The following SMAD2 variants were observed in gnomAD, a reference collection of about 807,000 sequenced individuals.
SMAD2 encodes the protein SMAD family member 2.
SMAD2 carries 8 observed loss-of-function variants against 64.4 expected under a neutral mutation model. The observed-to-expected ratio is 0.12, with a 90% confidence interval of 0.07 to 0.22. The LOEUF (loss-of-function observed/expected upper bound fraction) is 0.22, where lower values mean the gene tolerates loss of function less well. Among genes scored for constraint, SMAD2 ranks in the 10% least tolerant of loss-of-function variants. SMAD2 has a pLI of 1.00. For synonymous variants in SMAD2, 203 were observed against 195.8 expected (o/e 1.04, Z -0.31); for missense variants, 289 against 561.2 (o/e 0.51, Z 4.90).
intron 2 of SMAD2, among the ~76,000 whole-genome samples, chr18:47,893,546 T>C (rs994515326): frequency 6.6e-6 from 1 of 152,230 alleles, no homozygotes; most frequent in African/African-American, 2.4e-5. Context: ...TACAAATCCA[T>C]TGTGTATCAC....
intron 2 of SMAD2, among the ~76,000 whole-genome samples, chr18:47,881,873 T>TTTTG (rs540862304): frequency 6.6e-5 from 10 of 152,060 alleles, no homozygotes; most frequent in South Asian, 2.1e-4. Context: ...TACATAGTTT[T>TTTTG]TTTGTTTGTT....
chr18:47,871,395 T>C (rs1247269699), intron 2 of SMAD2, among the ~76,000 whole-genome samples: 2 of 152,212 alleles, frequency 1.3e-5, no homozygotes, highest in South Asian at 2.1e-4. Flanking sequence ...TGAAAATGAA[T>C]CAAGCAATTG....
At chr18:47,857,102 C>T (rs999346457) in intron 6 of SMAD2, among the ~76,000 whole-genome samples, 1 of 152,074 alleles carries the variant, frequency 6.6e-6, no homozygotes, top group African/African-American at 2.4e-5. Context: ...CGTGATCCGC[C>T]CGCCTCGGCC....
chr18:47,876,573 A>C (rs2032275605), intron 2 of SMAD2, among the ~76,000 whole-genome samples: 1 of 152,068 alleles, frequency 6.6e-6, no homozygotes, highest in Admixed American at 6.6e-5. Context: ...TTAAAGTCAT[A>C]AACATACTAA....
rs5824708 is a variant in SMAD2, at chr18:47,830,576, C to CAAAAAAAAAAAAAAAAA, written c.*11234_*11250dup. The CAAAAAAAAAAAAAAAAA allele has an allele frequency of 8.0e-5, 10 of 125,412 alleles. No homozygotes were observed. The highest frequency in any genetic ancestry group is 3.2e-4 in the African/African-American group (10 of 31,130). The allele number at this position is 125,412 out of a possible 1,614,324, so 7.8% of individuals were successfully genotyped here. ...GGGCAACAGAGCAAGACTCTGTCTC[C>CAAAAAAAAAAAAAAAAA]AAAAAAAAAAAAAAAAAATTCGTTT... is the stretch of plus-strand genomic sequence containing the variant. On this transcript the variant is annotated 3_prime_UTR_variant, in exon 11 of 11. Transcript: ENST00000262160.
At chr18:47,874,100 A>C (rs139691217) in intron 2 of SMAD2, among the ~76,000 whole-genome samples, 2 of 152,236 alleles carry the variant, frequency 1.3e-5, no homozygotes, top group Admixed American at 6.5e-5. Context: ...TAAGATGTCC[A>C]TCTGACCTAA....
chr18:47,832,421 A>T lies in SMAD2; in HGVS notation c.*9406T>A, dbSNP rs1011955219. On this transcript the variant is annotated 3_prime_UTR_variant, in exon 11 of 11. Transcript: ENST00000262160. ...TTTTCTTGGGTTTCTTCCTAATAAA[A>T]AAGTGTTGATAAAACTACACCAGTC... 6.6e-6 allele frequency: 1 copy of T among 152,250 alleles called. No individual in the cohort carries two copies. The highest frequency in any genetic ancestry group is 1.5e-5 in the Non-Finnish European group (1 of 68,046). 9.4% of individuals were successfully genotyped at this position (152,250 alleles called of 1,614,324 possible).
At chr18:47,902,146 C>A (rs1173667587) in intron 1 of SMAD2, among the ~76,000 whole-genome samples, 2 of 152,130 alleles carry the variant, frequency 1.3e-5, no homozygotes, top group Admixed American at 6.6e-5. Flanking sequence ...TTCCAATCTG[C>A]CACTCAGGCT....
chr18:47,928,978 G>A (rs2034884108), intron 1 of SMAD2, among the ~76,000 whole-genome samples: 1 of 152,212 alleles, frequency 6.6e-6, no homozygotes, highest in Non-Finnish European at 1.5e-5. Flanking sequence ...TACGGCAACG[G>A]CTAAGGAACT....
chr18:47,835,432 A>C lies in SMAD2; in HGVS notation c.*6395T>G, dbSNP rs1598732272. 4 of 201,622 alleles carry C rather than the reference A, an allele frequency of 2.0e-5. No individual in the cohort carries two copies. Among genetic ancestry groups the C allele is most frequent in the Non-Finnish European group, 4.1e-5 (4 of 97,944 alleles). 12.5% of individuals were successfully genotyped at this position (201,622 alleles called of 1,614,324 possible). ...CCAGAAAAGGATCCTCCTGTTTCTC[A>C]TCAAATTTTTTTTCAGCTCGAACAA... On this transcript the variant is annotated 3_prime_UTR_variant, in exon 11 of 11. Transcript: ENST00000262160.
chr18:47,898,984 A>G (rs2033564923), intron 1 of SMAD2, among the ~76,000 whole-genome samples: 1 of 151,796 alleles, frequency 6.6e-6, no homozygotes, highest in African/African-American at 2.4e-5. Flanking sequence ...TTGAGCTGGG[A>G]CGGGTAGGAC....
At position 47,842,869 on chromosome 18, in the gene SMAD2, C is replaced by A. The variant is rs543678521; in HGVS notation, c.1281-919G>T. 3.5e-4 allele frequency among the ~76,000 whole-genome samples: 54 copies of A among 152,284 alleles called. No individual in the cohort carries two copies. In the South Asian group the frequency reaches 9.8e-3, roughly 27 times the overall value. On this transcript the variant is annotated intron_variant, in intron 10 of 10. Transcript: ENST00000262160. ...AGAATTACAAATTATTCAATGACAT[C>A]CTGTCACTTCCATGCGCTGATTTTA...
At chr18:47,890,357 A>G (rs79294660) in intron 2 of SMAD2, among the ~76,000 whole-genome samples, 2,314 of 152,352 alleles carry the variant, frequency 0.015, 59 homozygotes, top group African/African-American at 0.053. Flanking sequence ...TACATTTAAT[A>G]AACTAAATTA....
intron 2 of SMAD2, 43 bp from the exon 3 acceptor site, chr18:47,870,607 A>G (rs1351560549): frequency 8.3e-7 from 1 of 1,211,074 alleles, no homozygotes; most frequent in South Asian, 1.2e-5. Context: ...TGAACATGGA[A>G]GCATGGTTAT....
At chr18:47,842,616 T>C (rs966207392) in intron 10 of SMAD2, among the ~76,000 whole-genome samples, 1 of 152,126 alleles carries the variant, frequency 6.6e-6, no homozygotes, top group Non-Finnish European at 1.5e-5. Context: ...AGACATAAAG[T>C]AACTGTACTT....
intron 1 of SMAD2, among the ~76,000 whole-genome samples, chr18:47,913,020 A>G (rs1027569712): frequency 6.6e-6 from 1 of 152,014 alleles, no homozygotes; most frequent in African/African-American, 2.4e-5. Flanking sequence ...CCCAGGTTCA[A>G]GCAGTTCTCC....
At chr18:47,859,552 C>T (rs2031000212) in intron 6 of SMAD2, among the ~76,000 whole-genome samples, 1 of 152,070 alleles carries the variant, frequency 6.6e-6, no homozygotes, top group African/African-American at 2.4e-5. Context: ...AAAACCCAAA[C>T]TTCTAAATAA....
At position 47,845,643 on chromosome 18, in the gene SMAD2, G is replaced by A. The variant is rs1335343098; in HGVS notation, c.1135+20C>T. The stretch of plus-strand genomic sequence containing the variant: ...AAGCAAGTTGACATGATAGGTTTAT[G>A]TACATTATTGAATCCATACCTGGTG... On this transcript the variant is annotated intron_variant, in intron 9 of 10. Coordinates refer to ENST00000262160, the MANE Select transcript of SMAD2 (RefSeq NM_005901.6). 5 of 1,613,180 alleles carry A rather than the reference G, an allele frequency of 3.1e-6. No homozygotes were observed. Among genetic ancestry groups the A allele is most frequent in the Non-Finnish European group, 4.2e-6 (5 of 1,179,146 alleles).
Position 47,826,668 on chromosome 18 carries a change from A to G in SMAD2, c.*15159T>C, listed in dbSNP as rs1405087324. 2 of 152,332 alleles carry G rather than the reference A, an allele frequency of 1.3e-5. No individual in the cohort carries two copies. The highest frequency in any genetic ancestry group is 3.9e-4 in the East Asian group (2 of 5,186). The allele number at this position is 152,332 out of a possible 1,614,324, so 9.4% of individuals were successfully genotyped here. Reference sequence around the variant, plus strand: ...TAATTCATAAACTGTTTATTGCTGCACACCACTGGGTTTTTGTGGTTGCTA... The same window carrying G: ...TAATTCATAAACTGTTTATTGCTGCGCACCACTGGGTTTTTGTGGTTGCTA... On this transcript the variant is annotated 3_prime_UTR_variant, in exon 11 of 11. Coordinates refer to ENST00000262160, the MANE Select transcript of SMAD2 (RefSeq NM_005901.6).
Sources: gnomAD v4.1 joint callset for allele counts (sites outside exome capture counted in the v4.1 genomes callset) on GRCh38, gnomAD v4.1.1 for gene constraint, MANE v1.5 for transcripts, NCBI Gene and HGNC (gene_info 2026-07-23, HGNC 2026-07-21) for gene names.